Variants in SRSF1 observed in about 807,000 individuals in gnomAD.
SRSF1 encodes the protein serine and arginine rich splicing factor 1.
SRSF1 carries 1 observed loss-of-function variant against 25.9 expected under a neutral mutation model. The observed-to-expected ratio is 0.04, with a 90% confidence interval of 0.01 to 0.18. The LOEUF (loss-of-function observed/expected upper bound fraction) is 0.18. Among genes scored for constraint, SRSF1 ranks in the 10% least tolerant of loss-of-function variants. The probability of loss-of-function intolerance (pLI) is 1.00; values close to 1 mark genes in which losing one functional copy is unlikely to be tolerated. For missense variants in SRSF1, 65 were observed against 350.5 expected (o/e 0.19, Z 6.50); for synonymous variants, 132 against 126.2 (o/e 1.05, Z -0.31).
At chr17:57,992,212 TAA>T in the SRSF1 span, 1 of 152,146 alleles carries the variant, frequency 6.6e-6, no homozygotes, top group Non-Finnish European at 1.5e-5. Flanking sequence ...AAATCGCAAG[TAA>T]AATAGCATAG....
chr17:57,998,370 T>C (rs1567746195), downstream of SRSF1, among the ~76,000 whole-genome samples: 1 of 152,214 alleles, frequency 6.6e-6, no homozygotes, highest in Non-Finnish European at 1.5e-5. Flanking sequence ...ATCTTATGTA[T>C]TAAGCCTTAA....
Position 58,002,536 on chromosome 17 carries a change from A to G in SRSF1, c.*2870T>C, listed in dbSNP as rs1425777252. 6.6e-6 allele frequency among the ~76,000 whole-genome samples: 1 copy of G among 152,254 alleles called. No homozygotes were observed. On this transcript the variant is annotated 3_prime_UTR_variant, in exon 4 of 4. Coordinates refer to ENST00000258962, the MANE Select transcript of SRSF1 (RefSeq NM_006924.5). ...AGACAAATACAAGAAGTAGCAGGCTAAAAGTTTTTAACTGCTTTGGTAGAG... is the reference window on the plus strand; with the variant it reads ...AGACAAATACAAGAAGTAGCAGGCTGAAAGTTTTTAACTGCTTTGGTAGAG...
In SRSF1 at chr17:58,004,986, A is replaced by T; in HGVS notation, c.*420T>A. The T allele has an allele frequency of 2.4e-6, 1 of 412,556 alleles. No homozygotes were observed. Among genetic ancestry groups the T allele is most frequent in the Non-Finnish European group, 4.3e-6 (1 of 233,504 alleles). 25.6% of individuals were successfully genotyped at this position (412,556 alleles called of 1,614,324 possible). On this transcript the variant is annotated 3_prime_UTR_variant, in exon 4 of 4. Coordinates refer to ENST00000258962, the MANE Select transcript of SRSF1 (RefSeq NM_006924.5). Reference sequence around the variant, plus strand: ...CTTTTGACAATCCTAAAATGATTGAAATGTGCTCCACAATCCTTAATCCAA... The same window carrying T: ...CTTTTGACAATCCTAAAATGATTGATATGTGCTCCACAATCCTTAATCCAA...
rs116236837 is a variant in SRSF1 at position 58,002,459 on chromosome 17, A to G, written c.*2947T>C. On this transcript the variant is annotated 3_prime_UTR_variant, in exon 4 of 4. Coordinates refer to ENST00000258962, the MANE Select transcript of SRSF1 (RefSeq NM_006924.5). ...GCACCCAAGGGAAATGTTAAAGTCTATTTATTTTAGGTCCCCTCCCCCAAC... is the reference window on the plus strand; with the variant it reads ...GCACCCAAGGGAAATGTTAAAGTCTGTTTATTTTAGGTCCCCTCCCCCAAC... 5.8e-3 allele frequency among the ~76,000 whole-genome samples: 890 copies of G among 152,316 alleles called. 10 individuals carry two copies. Among genetic ancestry groups the G allele is most frequent in the South Asian group, 0.03 (144 of 4,826 alleles).
intron 2 of SRSF1, 69 bp downstream of exon 2, chr17:58,006,274 G>A: frequency 2.0e-6 from 3 of 1,518,066 alleles, no homozygotes; most frequent in Non-Finnish European, 2.7e-6. Context: ...TATTAAACCT[G>A]TCACGCAAGA....
At chr17:57,989,610 CAAG>C in the SRSF1 span, 90 of 398,484 alleles carry the variant, frequency 2.3e-4, no homozygotes, top group East Asian at 2.9e-3. Context: ...ATCCACTAGA[CAAG>C]AATACCCCCT....
downstream of SRSF1, among the ~76,000 whole-genome samples, chr17:57,999,920 C>T (rs1164034294): frequency 6.6e-6 from 1 of 152,132 alleles, no homozygotes; most frequent in Non-Finnish European, 1.5e-5. Flanking sequence ...AAGTCTGATG[C>T]TTTTTAACCC....
intron 2 of SRSF1, 101 bp from the exon 3 acceptor site, chr17:58,006,074 G>T: frequency 8.7e-7 from 1 of 1,151,242 alleles, no homozygotes; most frequent in Non-Finnish European, 1.2e-6. Flanking sequence ...GTACTTAATA[G>T]GTGTACTTAA....
downstream of SRSF1, among the ~76,000 whole-genome samples, chr17:58,000,611 C>G (rs2075383077): frequency 6.6e-6 from 1 of 152,014 alleles, no homozygotes; most frequent in South Asian, 2.1e-4. Context: ...GCTGCTTCAG[C>G]CTAAAAAGAT....
chr17:57,996,483 T>TTAAAAAAAAAAAAA (rs538866531), downstream of SRSF1, among the ~76,000 whole-genome samples: 3 of 72,386 alleles, frequency 4.1e-5, no homozygotes, highest in Non-Finnish European at 4.9e-5. Context: ...GACACTGTCT[T>TTAAAAAAAAAAAAA]AAAAAAAAAA....
At chr17:58,006,850 C>G in intron 1 of SRSF1, 94 bp downstream of exon 1, 1 of 1,439,734 alleles carries the variant, frequency 6.9e-7, no homozygotes, top group South Asian at 1.3e-5. Flanking sequence ...TCTCTAAGAG[C>G]CCCCGCTTCC....
In SRSF1 at chr17:58,006,531, C is replaced by A. The variant is rs764809992; in HGVS notation, c.195-4G>T. On this transcript the variant is annotated splice_polypyrimidine_tract_variant and splice_region_variant and intron_variant, in intron 1 of 3. Coordinates refer to ENST00000258962, the MANE Select transcript of SRSF1 (RefSeq NM_006924.5). ...ATACACCGCGTCTTCCGCGTCTCTG[C>A]GGGATCGCAGAAAGTAAAAGGGATG... The A allele has an allele frequency of 1.7e-5, 28 of 1,609,284 alleles. No homozygotes were observed. Among genetic ancestry groups the A allele is most frequent in the Non-Finnish European group, 2.4e-5 (28 of 1,177,386 alleles).
At chr17:57,993,745 C>T in the SRSF1 span, 1 of 152,226 alleles carries the variant, frequency 6.6e-6, no homozygotes, top group African/African-American at 2.4e-5. Flanking sequence ...TGGTCTCTAA[C>T]AAAGCACACA....
At chr17:58,000,670 T>TCA (rs948705530), downstream of SRSF1, among the ~76,000 whole-genome samples, 5 of 152,174 alleles carry the variant, frequency 3.3e-5, no homozygotes, top group African/African-American at 1.2e-4. Context: ...AACAGGTTTT[T>TCA]CAGTCAAGAC....
chr17:57,997,601 T>C (rs1431603723), downstream of SRSF1, among the ~76,000 whole-genome samples: 4 of 151,856 alleles, frequency 2.6e-5, no homozygotes, highest in African/African-American at 4.8e-5. Context: ...ATTAAGGGAG[T>C]GACATGTTTT....
At position 58,007,213 on chromosome 17, in the gene SRSF1, G is replaced by A. The variant is rs112525333; in HGVS notation, c.-76C>T. The A allele has an allele frequency of 1.4e-5, 21 of 1,551,666 alleles. No homozygotes were observed. The African/African-American group carries it at 1.8e-4, about 13-fold the overall frequency. The stretch of plus-strand genomic sequence containing the variant: ...GCGCACGGCAGAGCGAGCCCGCAGC[G>A]GCACCACGTCTCCCGCGGCCCCTCC... On this transcript the variant is annotated 5_prime_UTR_variant, in exon 1 of 4. Transcript: ENST00000258962.
At position 58,004,454 on chromosome 17, in the gene SRSF1, T is replaced by TCTACAC. The variant is rs1166673566; in HGVS notation, c.*946_*951dup. 6.5e-6 allele frequency: 1 copy of TCTACAC among 152,730 alleles called. No homozygotes were observed. The highest frequency in any genetic ancestry group is 2.4e-5 in the African/African-American group (1 of 41,464). The allele number at this position is 152,730 out of a possible 1,614,324, so 9.5% of individuals were successfully genotyped here. On this transcript the variant is annotated 3_prime_UTR_variant, in exon 4 of 4. Coordinates refer to ENST00000258962, the MANE Select transcript of SRSF1 (RefSeq NM_006924.5). ...CTTAAAAGTATTCCCAACTAGATTA[T>TCTACAC]CTACACCAATACATTGGAACTCTAT...
Position 58,004,731 on chromosome 17 carries a change from T to C in SRSF1, c.*675A>G, listed in dbSNP as rs538555743. On this transcript the variant is annotated 3_prime_UTR_variant, in exon 4 of 4. Coordinates refer to ENST00000258962, the MANE Select transcript of SRSF1 (RefSeq NM_006924.5). ...GGGGGAAGGGAGCAAAATAAGTTGC[T>C]ACAAAATGGGCAATATAATTTTGCC... 5 of 370,308 alleles carry C rather than the reference T, an allele frequency of 1.4e-5. No individual in the cohort carries two copies. In the South Asian group the frequency reaches 4.4e-4, roughly 33 times the overall value. The allele number at this position is 370,308 out of a possible 1,614,324, so 22.9% of individuals were successfully genotyped here. A position where few individuals can be genotyped will look rare whatever the true frequency, so the allele number is the denominator to read the frequency against.
chr17:57,996,895 C>T (rs1010417214), downstream of SRSF1, among the ~76,000 whole-genome samples: 1 of 152,172 alleles, frequency 6.6e-6, no homozygotes, highest in Non-Finnish European at 1.5e-5. Flanking sequence ...CTAGTCTCTT[C>T]ACAATACATC....
Sources: gnomAD v4.1 joint callset for allele counts (sites outside exome capture counted in the v4.1 genomes callset) on GRCh38, gnomAD v4.1.1 for gene constraint, MANE v1.5 for transcripts, NCBI Gene and HGNC (gene_info 2026-07-23, HGNC 2026-07-21) for gene names.